Variants in AKT3 observed in about 807,000 individuals in gnomAD.
AKT3 encodes RAC-gamma serine/threonine-protein kinase.
Under a neutral mutation model 65.3 loss-of-function variants are expected in AKT3, and 15 were observed. That is an observed-to-expected ratio of 0.23 (90% CI 0.15 to 0.35). The LOEUF (loss-of-function observed/expected upper bound fraction) is 0.35. Among genes scored for constraint, AKT3 ranks in the 10% least tolerant of loss-of-function variants. AKT3 has a pLI of 1.00. For missense variants in AKT3, 243 were observed against 576.5 expected (o/e 0.42, Z 5.92); for synonymous variants, 206 against 183.8 (o/e 1.12, Z -0.98).
At chr1:243,711,975 G>A (rs960081947) in intron 2 of AKT3, among the ~76,000 whole-genome samples, 3 of 152,170 alleles carry the variant, frequency 2.0e-5, no homozygotes, top group African/African-American at 7.2e-5. Flanking sequence ...AAGTTTGCTT[G>A]TGTATAAAAG....
At chr1:243,647,726 C>T (rs911320976) in intron 4 of AKT3, among the ~76,000 whole-genome samples, 7 of 152,072 alleles carry the variant, frequency 4.6e-5, no homozygotes, top group Admixed American at 3.3e-4. Flanking sequence ...GTTTCCAATC[C>T]GTATGCTTTT....
chr1:243,649,438 G>A (rs1253109676), intron 4 of AKT3, among the ~76,000 whole-genome samples: 1 of 150,978 alleles, frequency 6.6e-6, no homozygotes, highest in Admixed American at 6.6e-5. Context: ...CACACTTTAA[G>A]TTCTGGGGTA....
At chr1:243,700,490 A>ACCT (rs1685377996) in intron 2 of AKT3, among the ~76,000 whole-genome samples, 1 of 148,070 alleles carries the variant, frequency 6.8e-6, no homozygotes, top group African/African-American at 2.5e-5. Context: ...ATTATTTTGG[A>ACCT]CCTCAGGCTT....
At chr1:243,550,447 C>T (rs565857547) in intron 11 of AKT3, among the ~76,000 whole-genome samples, 18 of 152,080 alleles carry the variant, frequency 1.2e-4, no homozygotes, top group Admixed American at 6.5e-5. Flanking sequence ...CGACTATGTG[C>T]TATTCATGGA....
chr1:243,519,858 A>G (rs773368561), intron 12 of AKT3, among the ~76,000 whole-genome samples: 12 of 152,216 alleles, frequency 7.9e-5, no homozygotes, highest in Non-Finnish European at 1.6e-4. Flanking sequence ...TAGGTAAATT[A>G]CCAGGATGTT....
At chr1:243,822,503 TA>T (rs1193439521) in intron 2 of AKT3, among the ~76,000 whole-genome samples, 1 of 150,578 alleles carries the variant, frequency 6.6e-6, no homozygotes, top group African/African-American at 2.4e-5. Context: ...CTGGTTTTTT[TA>T]AAAAATTAAT....
chr1:243,533,985 G>A (rs143471879), intron 12 of AKT3, among the ~76,000 whole-genome samples: 1,582 of 152,096 alleles, frequency 0.01, 16 homozygotes, highest in African/African-American at 0.025. Flanking sequence ...GCGAGACTCC[G>A]TTTCCAAAAA....
At position 243,635,055 on chromosome 1, in the gene AKT3, T is replaced by G. The variant is rs6686924; in HGVS notation, c.561+2556A>C. Among the ~76,000 whole-genome samples, 1,303 of 152,110 alleles carry G rather than the reference T, an allele frequency of 8.6e-3. 19 individuals carry two copies. Among genetic ancestry groups the G allele is most frequent in the African/African-American group, 0.03 (1,230 of 41,550 alleles). On this transcript the variant is annotated intron_variant, in intron 6 of 13. Coordinates refer to ENST00000673466, the MANE Select transcript of AKT3 (RefSeq NM_005465.7). ...AGTGCATAGGGGACGTTCTCCAGGA[T>G]AGATCATATGTTGGATTACAAATAA...
intron 1 of AKT3, among the ~76,000 whole-genome samples, chr1:243,847,331 T>C (rs1358973597): frequency 2.6e-5 from 4 of 152,198 alleles, no homozygotes. Context: ...GACAAGCTCC[T>C]ATCAAATCAT....
At chr1:243,646,073 A>C in intron 4 of AKT3, 36 bp from the exon 5 acceptor site, 1 of 1,519,992 alleles carries the variant, frequency 6.6e-7, no homozygotes, top group Non-Finnish European at 8.9e-7. Flanking sequence ...TTAATAGAAG[A>C]TGGTAAATGA....
chr1:243,509,706 C>T (rs375032919), intron 13 of AKT3, among the ~76,000 whole-genome samples: 10 of 152,184 alleles, frequency 6.6e-5, no homozygotes, highest in South Asian at 2.1e-4. Context: ...CATACAGTAA[C>T]ACTATGGACT....
At chr1:243,716,425 G>A (rs924314642) in intron 2 of AKT3, among the ~76,000 whole-genome samples, 1 of 152,088 alleles carries the variant, frequency 6.6e-6, no homozygotes, top group Non-Finnish European at 1.5e-5. Context: ...AATGTATGGG[G>A]TATTATTAAA....
At chr1:243,724,633 C>A (rs1558755761) in intron 2 of AKT3, among the ~76,000 whole-genome samples, 1 of 152,104 alleles carries the variant, frequency 6.6e-6, no homozygotes, top group African/African-American at 2.4e-5. Context: ...TCCAGACCCA[C>A]AAGTTCTAAT....
intron 2 of AKT3, among the ~76,000 whole-genome samples, chr1:243,817,644 G>A (rs1054304169): frequency 2.6e-5 from 4 of 152,232 alleles, no homozygotes; most frequent in Admixed American, 6.5e-5. Flanking sequence ...AGGAGGCTGA[G>A]ACAGGAGAAT....
intron 3 of AKT3, among the ~76,000 whole-genome samples, chr1:243,691,894 A>G (rs1294522411): frequency 6.6e-6 from 1 of 152,204 alleles, no homozygotes; most frequent in Non-Finnish European, 1.5e-5. Context: ...GAGAAAGTAC[A>G]AAGTGTGAAG....
intron 2 of AKT3, among the ~76,000 whole-genome samples, chr1:243,719,565 G>C (rs1056332201): frequency 3.3e-5 from 5 of 152,206 alleles, no homozygotes; most frequent in African/African-American, 1.2e-4. Flanking sequence ...TGGCTGCTGA[G>C]AGAGGTAAAT....
chr1:243,669,951 T>C (rs761327696), intron 3 of AKT3, among the ~76,000 whole-genome samples: 2 of 152,166 alleles, frequency 1.3e-5, no homozygotes, highest in African/African-American at 2.4e-5. Flanking sequence ...AAATGACATA[T>C]ATGAAATGTC....
At chr1:243,603,259 C>CA (rs1426625288) in intron 8 of AKT3, among the ~76,000 whole-genome samples, 2 of 152,210 alleles carry the variant, frequency 1.3e-5, no homozygotes, top group African/African-American at 2.4e-5. Flanking sequence ...TTCTGTACTA[C>CA]AGCCAAGGTG....
At chr1:243,789,824 T>C (rs959603976) in intron 2 of AKT3, among the ~76,000 whole-genome samples, 1 of 152,210 alleles carries the variant, frequency 6.6e-6, no homozygotes, top group Non-Finnish European at 1.5e-5. Flanking sequence ...AGAATAAATG[T>C]TGTGTTAGCA....
Sources: gnomAD v4.1 joint callset for allele counts (sites outside exome capture counted in the v4.1 genomes callset) on GRCh38, gnomAD v4.1.1 for gene constraint, MANE v1.5 for transcripts, NCBI Gene and HGNC (gene_info 2026-07-23, HGNC 2026-07-21) for gene names.